Variants in SPRED2 observed in about 807,000 individuals in gnomAD.
SPRED2 encodes sprouty-related, EVH1 domain-containing protein 2.
SPRED2 carries 47 observed loss-of-function variants against 43.0 expected under a neutral mutation model. The observed-to-expected ratio is 1.09, with a 90% confidence interval of 0.87 to 1.40. SPRED2 has a LOEUF of 1.40. Ranked by LOEUF, SPRED2 falls within the 40% of genes most tolerant of loss-of-function variation. SPRED2 has a pLI of 0.00. For synonymous variants in SPRED2, 225 were observed against 225.7 expected, an observed-to-expected ratio of 1.00 and a Z score of 0.03; for missense variants, 561 against 586.4, an observed-to-expected ratio of 0.96 and a Z score of 0.45.
chr2:65,332,367 G>A (rs989554086), intron 3 of SPRED2: 2 of 237,992 alleles, frequency 8.4e-6, no homozygotes, highest in African/African-American at 4.6e-5. Flanking sequence ...ACTCCTCTGA[G>A]GGACATGCAT....
chr2:65,422,673 A>G (rs1010310154), intron 1 of SPRED2, among the ~76,000 whole-genome samples: 3 of 152,056 alleles, frequency 2.0e-5, no homozygotes, highest in Non-Finnish European at 2.9e-5. Context: ...TCACACTCCA[A>G]ATCAACACCT....
At position 65,313,019 on chromosome 2, in the gene SPRED2, C is replaced by T. The variant is rs140353226; in HGVS notation, c.*482G>A. Reference sequence around the variant, plus strand: ...TGTCGGGTTTCATCATTCTCACATCCCATTTCCGCTGAACCAGATGCTTGC... The same window carrying T: ...TGTCGGGTTTCATCATTCTCACATCTCATTTCCGCTGAACCAGATGCTTGC... On this transcript the variant is annotated 3_prime_UTR_variant, in exon 6 of 6. Coordinates refer to ENST00000356388, the MANE Select transcript of SPRED2 (RefSeq NM_181784.3). 761 of 986,368 alleles carry T rather than the reference C, an allele frequency of 7.7e-4. No individual in the cohort carries two copies. The highest frequency in any genetic ancestry group is 2.9e-3 in the Admixed American group (47 of 16,298). 61.1% of individuals were successfully genotyped at this position (986,368 alleles called of 1,614,324 possible).
At chr2:65,342,131 C>G (rs184032100) in intron 2 of SPRED2, among the ~76,000 whole-genome samples, 329 of 148,912 alleles carry the variant, frequency 2.2e-3, no homozygotes, top group African/African-American at 7.6e-3. Flanking sequence ...TATTAATTAG[C>G]AAGCAATAAG....
rs1676370272 is a variant in SPRED2, at chr2:65,419,576, G to GTT, written c.26+12384_26+12385dup. Among the ~76,000 whole-genome samples the GTT allele has an allele frequency of 4.2e-5, 4 of 96,054 alleles. No individual in the cohort carries two copies. The East Asian group carries it at 8.9e-4, about 21-fold the overall frequency. The allele number at this position is 96,054 out of a possible 152,430, so 63.0% of individuals were successfully genotyped here. A position where few individuals can be genotyped will look rare whatever the true frequency, so the allele number is the denominator to read the frequency against. ...AGCACTTCCCTTCACAGGGATTATA[G>GTT]TTGTGTGTGTGTGTGTGTGTGTGTG... On this transcript the variant is annotated intron_variant, in intron 1 of 5. Transcript: ENST00000356388.
intron 1 of SPRED2, among the ~76,000 whole-genome samples, chr2:65,407,237 G>A (rs372127104): frequency 9.2e-5 from 6 of 65,126 alleles, no homozygotes; most frequent in East Asian, 7.6e-4. Context: ...CAAATGGGGC[G>A]CTGGCTCCTT....
rs1418537116 is a variant in SPRED2 at position 65,386,234 on chromosome 2, G to A, written c.27-41338C>T. Among the ~76,000 whole-genome samples the A allele has an allele frequency of 2.8e-5, 4 of 144,442 alleles. No homozygotes were observed. The East Asian group carries it at 8.4e-4, about 30-fold the overall frequency. 94.8% of individuals were successfully genotyped at this position (144,442 alleles called of 152,430 possible). On this transcript the variant is annotated intron_variant, in intron 1 of 5. Coordinates refer to ENST00000356388, the MANE Select transcript of SPRED2 (RefSeq NM_181784.3). ...CGGGAGATGGAGGTTGCAGGGAGCC[G>A]AGATCGCGCCATTGCACTCCAGCCT... is the stretch of plus-strand genomic sequence containing the variant.
At chr2:65,371,710 C>T (rs1266789743) in intron 1 of SPRED2, among the ~76,000 whole-genome samples, 10 of 152,004 alleles carry the variant, frequency 6.6e-5, no homozygotes, top group Admixed American at 5.9e-4. Context: ...TCAGCTTGGC[C>T]AGAGCCAGAA....
chr2:65,331,960 G>A lies in SPRED2; in HGVS notation c.438+27C>T, dbSNP rs376614866. The A allele has an allele frequency of 1.6e-5, 25 of 1,566,134 alleles. No homozygotes were observed. The African/African-American group carries it at 3.1e-4, about 20-fold the overall frequency. On this transcript the variant is annotated intron_variant, in intron 4 of 5. Transcript: ENST00000356388. ...TCTCTGATTATTCAACAACTAATCT[G>A]GAAAGCAAAGGACAAAGGAAACTTA...
chr2:65,317,138 A>G (rs1673264021), intron 4 of SPRED2, among the ~76,000 whole-genome samples: 1 of 152,168 alleles, frequency 6.6e-6, no homozygotes, highest in Admixed American at 6.6e-5. Flanking sequence ...TTTTTCTTAA[A>G]TGCGGGAATA....
At chr2:65,344,459 A>C (rs1674280447) in intron 2 of SPRED2, 3 of 585,166 alleles carry the variant, frequency 5.1e-6, no homozygotes, top group East Asian at 3.8e-5. Context: ...TAGACATCTT[A>C]ATCAAAGATG....
chr2:65,408,781 A>C (rs1330046687), intron 1 of SPRED2, among the ~76,000 whole-genome samples: 1 of 152,082 alleles, frequency 6.6e-6, no homozygotes, highest in Non-Finnish European at 1.5e-5. Context: ...GGGTTCCACT[A>C]TACTGGCCAG....
intron 1 of SPRED2, among the ~76,000 whole-genome samples, chr2:65,392,395 C>T (rs191271145): frequency 1.7e-3 from 266 of 152,036 alleles, no homozygotes; most frequent in Middle Eastern, 3.4e-3. Flanking sequence ...AGGCTGGTCT[C>T]GAACTCTTGG....
In SPRED2 at chr2:65,313,858, C is replaced by T. The variant is rs746398115; in HGVS notation, c.900G>A (p.Arg300=). The change falls in exon 6 of 6, where the codon CGG becomes CGA. Residue 300 remains arginine (R), a synonymous_variant. Coordinates refer to ENST00000356388, the MANE Select transcript of SPRED2 (RefSeq NM_181784.3). ...ACCGCGAGCGCTCTCCGTCCTCCTT[C>T]CGCCGCCGCGACTTGCCCCGGGAGG... ...TQPSRGKSRR[R]KEDGERSRCV... The T allele has an allele frequency of 2.5e-6, 4 of 1,611,108 alleles. No homozygotes were observed. Among genetic ancestry groups the T allele is most frequent in the Middle Eastern group, 1.7e-4 (1 of 6,060 alleles).
At chr2:65,415,819 A>G (rs1370763570) in intron 1 of SPRED2, among the ~76,000 whole-genome samples, 1 of 152,160 alleles carries the variant, frequency 6.6e-6, no homozygotes, top group Non-Finnish European at 1.5e-5. Context: ...CACATGTAAC[A>G]TCCATTTGGT....
At position 65,410,107 on chromosome 2, in the gene SPRED2, C is replaced by A. The variant is rs1404464341; in HGVS notation, c.26+21855G>T. ...TTGTGCAAGGCCAGGCGTAATGGCT[C>A]ACGCCTGTAATACCTATGCTTTGGG... On this transcript the variant is annotated intron_variant, in intron 1 of 5. Coordinates refer to ENST00000356388, the MANE Select transcript of SPRED2 (RefSeq NM_181784.3). Among the ~76,000 whole-genome samples the A allele has an allele frequency of 2.6e-5, 4 of 151,856 alleles. No individual in the cohort carries two copies. In the East Asian group the frequency reaches 7.7e-4, roughly 29 times the overall value.
intron 1 of SPRED2, chr2:65,366,466 A>T: frequency 1.0e-6 from 1 of 960,286 alleles, no homozygotes; most frequent in Non-Finnish European, 1.6e-6. Context: ...ACACATACAC[A>T]CTGTGGTCCT....
Position 65,344,871 on chromosome 2 carries a change from C to T in SPRED2, c.52G>A (p.Ala18Thr). Residue 18 changes from alanine (A) to threonine (T), a missense_variant, in exon 2 of 6, where the codon GCT becomes ACT. This residue lies in a region of SPRED2 where 305 missense variants were observed against 282.4 expected (regional missense o/e 1.08). Coordinates refer to ENST00000356388, the MANE Select transcript of SPRED2 (RefSeq NM_181784.3). ...GAGTCATCTCTGGTCATAACCACAG[C>T]CTTGACACGCACAATATAGCTGTCA... is the stretch of plus-strand genomic sequence containing the variant. ...DDDSYIVRVK[A>T]VVMTRDDSSG... 1 of 1,614,084 alleles carries T rather than the reference C, an allele frequency of 6.2e-7. No homozygotes were observed. The highest frequency in any genetic ancestry group is 2.2e-5 in the East Asian group (1 of 44,874).
chr2:65,391,346 T>G (rs1300872173), intron 1 of SPRED2, among the ~76,000 whole-genome samples: 2 of 151,408 alleles, frequency 1.3e-5, no homozygotes, highest in African/African-American at 4.9e-5. Flanking sequence ...AAAACAAGAG[T>G]CATGCCAGTA....
chr2:65,409,974 G>A (rs1181731750), intron 1 of SPRED2, among the ~76,000 whole-genome samples: 1 of 150,288 alleles, frequency 6.7e-6, no homozygotes, highest in Non-Finnish European at 1.5e-5. Context: ...AGGTTGCAGT[G>A]AGCCAAGATT....
Sources: gnomAD v4.1 joint callset for allele counts (sites outside exome capture counted in the v4.1 genomes callset) on GRCh38, gnomAD v4.1.1 for gene constraint, gnomAD v4.1.1 regional missense constraint, MANE v1.5 for transcripts, NCBI Gene and HGNC (gene_info 2026-07-23, HGNC 2026-07-21) for gene names.